The following SAFB variants were observed in gnomAD, a reference collection of about 807,000 sequenced individuals.
SAFB encodes scaffold attachment factor B, also known as scaffold attachment factor B1.
SAFB carries 15 observed loss-of-function variants against 101.6 expected under a neutral mutation model. The observed-to-expected ratio is 0.15, with a 90% confidence interval of 0.10 to 0.23. SAFB has a LOEUF of 0.23. SAFB is among the 10% of genes least tolerant of loss of function. SAFB has a pLI of 1.00. For synonymous variants in SAFB, 449 were observed against 407.5 expected (o/e 1.10, Z -1.23); for missense variants, 930 against 1,104.1 (o/e 0.84, Z 2.23).
Position 5,664,140 on chromosome 19 carries a change from C to G in SAFB, c.2272C>G (p.Pro758Ala). Residue 758 changes from proline to alanine, a missense_variant, in exon 16 of 21, where the codon CCC (proline) becomes GCC (alanine). Physicochemically the swap from Pro to Ala is conservative, Grantham distance 27. Transcript: ENST00000588852. ...DFDHRDRGRY[P>A]DHSVDRREGS... Reference sequence around the variant, plus strand: ...TGACCACAGGGACCGCGGCCGCTACCCCGACCACTCGGTGGACAGGTCAGT... The same window carrying G: ...TGACCACAGGGACCGCGGCCGCTACGCCGACCACTCGGTGGACAGGTCAGT... 6.2e-7 allele frequency: 1 copy of G among 1,613,876 alleles called. No individual in the cohort carries two copies. The highest frequency in any genetic ancestry group is 8.5e-7 in the Non-Finnish European group (1 of 1,180,014).
chr19:5,623,488 G>T (rs532182085), intron 1 of SAFB, 94 bp downstream of exon 1: 2 of 1,101,090 alleles, frequency 1.8e-6, no homozygotes, highest in Non-Finnish European at 2.5e-6. Flanking sequence ...GCCCCCGGCC[G>T]CGTTCGCGGC....
intron 2 of SAFB, among the ~76,000 whole-genome samples, chr19:5,628,307 G>T (rs545727363): frequency 1.3e-5 from 2 of 152,256 alleles, no homozygotes; most frequent in African/African-American, 4.8e-5. Flanking sequence ...CTTGGTTCAT[G>T]TAGAGTTTTC....
intron 5 of SAFB, among the ~76,000 whole-genome samples, chr19:5,645,759 G>T (rs1348393337): frequency 6.6e-6 from 1 of 152,214 alleles, no homozygotes; most frequent in African/African-American, 2.4e-5. Flanking sequence ...CAGCAAGAGG[G>T]CATGGCTACC....
In SAFB at chr19:5,641,792, T is replaced by C. The variant is rs2053720212; in HGVS notation, c.392T>C (p.Ile131Thr). Residue 131 changes from isoleucine to threonine, a missense_variant, in exon 4 of 21, where the codon ATC becomes ACC. Physicochemically the swap from Ile to Thr is moderately conservative, Grantham distance 89 (BLOSUM62 -1). This residue lies in a region of SAFB where 119 missense variants were observed against 171.4 expected (regional missense o/e 0.69). Transcript: ENST00000588852. ...ENLQDIDIMD[I>T]SVLDEAEIDN... The stretch of plus-strand genomic sequence containing the variant: ...TTGCAGGACATCGACATCATGGATA[T>C]CAGTGTGTTGGATGAAGCAGAAATT... The C allele has an allele frequency of 6.2e-7, 1 of 1,614,062 alleles. No individual in the cohort carries two copies. The highest frequency in any genetic ancestry group is 8.5e-7 in the Non-Finnish European group (1 of 1,180,020).
chr19:5,667,788 G>A lies in SAFB; in HGVS notation c.2558-32G>A, dbSNP rs372664858. On this transcript the variant is annotated intron_variant, in intron 19 of 20. Transcript: ENST00000588852. This position sits in a 1 kb window ranked among gnomAD's most constrained non-coding sequence, Gnocchi z 4.0. ...CGTGGGTTCCACGCCGTGTGCGCAA[G>A]TTCCCTGTGTGAAAGCACGTCTGTC... 2 of 1,612,898 alleles carry A rather than the reference G, an allele frequency of 1.2e-6. No individual in the cohort carries two copies. Among genetic ancestry groups the A allele is most frequent in the Non-Finnish European group, 1.7e-6 (2 of 1,178,942 alleles).
intron 17 of SAFB, 159 bp from the exon 18 acceptor site, chr19:5,666,887 T>G: frequency 1.4e-6 from 1 of 725,222 alleles, no homozygotes; most frequent in Non-Finnish European, 2.5e-6. Flanking sequence ...GGCCTGCAGA[T>G]TTCAGGAAGG....
intron 2 of SAFB, among the ~76,000 whole-genome samples, chr19:5,640,219 A>C (rs1452041195): frequency 6.6e-6 from 1 of 152,230 alleles, no homozygotes; most frequent in African/African-American, 2.4e-5. Context: ...GTGATCAACA[A>C]CAAAAAGCAA....
intron 2 of SAFB, among the ~76,000 whole-genome samples, chr19:5,635,500 GTAT>G (rs995647434): frequency 3.8e-4 from 58 of 152,228 alleles, no homozygotes; most frequent in African/African-American, 1.4e-3. Context: ...AAAAGGGAAG[GTAT>G]TATAGCTTTA....
chr19:5,638,202 GGA>G (rs2053633211), intron 2 of SAFB, among the ~76,000 whole-genome samples: 1 of 152,178 alleles, frequency 6.6e-6, no homozygotes, highest in Non-Finnish European at 1.5e-5. Context: ...TTGCACAAGG[GGA>G]GTTGGGGAAA....
intron 4 of SAFB, among the ~76,000 whole-genome samples, chr19:5,643,902 T>C (rs1329613179): frequency 1.3e-5 from 2 of 151,522 alleles, no homozygotes; most frequent in Non-Finnish European, 2.9e-5. Flanking sequence ...TGGAGATGGA[T>C]CAATTTCTGT....
In SAFB at chr19:5,624,621, A is replaced by T. The variant is rs1055263948; in HGVS notation, c.189+1227A>T. Among the ~76,000 whole-genome samples, 12 of 151,024 alleles carry T rather than the reference A, an allele frequency of 7.9e-5. No homozygotes were observed. The South Asian group carries it at 2.3e-3, about 29-fold the overall frequency. On this transcript the variant is annotated intron_variant, in intron 1 of 20. Coordinates refer to ENST00000588852, the MANE Select transcript of SAFB (RefSeq NM_001201338.2). Reference sequence around the variant, plus strand: ...AGTGGGGCTGTTGACACATCCCACCATCCTGACTCCGGAACTACGGAGATC... The same window carrying T: ...AGTGGGGCTGTTGACACATCCCACCTTCCTGACTCCGGAACTACGGAGATC...
At chr19:5,632,596 T>A (rs572277422) in intron 2 of SAFB, among the ~76,000 whole-genome samples, 40 of 152,234 alleles carry the variant, frequency 2.6e-4, no homozygotes, top group Middle Eastern at 3.2e-3. Context: ...TCATGTTTCC[T>A]TAGTTTTCTT....
chr19:5,625,520 A>G (rs1599307211), intron 1 of SAFB, among the ~76,000 whole-genome samples: 1 of 152,254 alleles, frequency 6.6e-6, no homozygotes, highest in East Asian at 1.9e-4. Flanking sequence ...CAGATAAAAC[A>G]TAGTACATGA....
chr19:5,623,179 G>C lies in SAFB; in HGVS notation c.-27G>C, dbSNP rs755255712. The C allele has an allele frequency of 3.2e-6, 5 of 1,557,536 alleles. No homozygotes were observed. Among genetic ancestry groups the C allele is most frequent in the South Asian group, 2.3e-5 (2 of 85,280 alleles). ...TAAAACCGGCCCGGTTCTGTGGAAAGTGGGCGGCGGAGCCAGGGTCCCTGG... is the reference window on the plus strand; with the variant it reads ...TAAAACCGGCCCGGTTCTGTGGAAACTGGGCGGCGGAGCCAGGGTCCCTGG... On this transcript the variant is annotated 5_prime_UTR_variant, in exon 1 of 21. Coordinates refer to ENST00000588852, the MANE Select transcript of SAFB (RefSeq NM_001201338.2).
At chr19:5,654,307 G>C (rs1483768284) in intron 12 of SAFB, 61 bp from the exon 13 acceptor site, 4 of 1,589,344 alleles carry the variant, frequency 2.5e-6, no homozygotes, top group Non-Finnish European at 3.5e-6. Context: ...ATGTTGCAGA[G>C]GGTTTTTCTC....
chr19:5,637,133 A>G lies in SAFB; in HGVS notation c.275-4461A>G, dbSNP rs952589529. 2.0e-5 allele frequency among the ~76,000 whole-genome samples: 3 copies of G among 150,864 alleles called. No homozygotes were observed. In the South Asian group the frequency reaches 6.3e-4, roughly 32 times the overall value. ...GCCGAGGCGGGTGGATCACGAGGTC[A>G]GGAGATCGAGACCATCCTGGCTAAC... On this transcript the variant is annotated intron_variant, in intron 2 of 20. Coordinates refer to ENST00000588852, the MANE Select transcript of SAFB (RefSeq NM_001201338.2).
At chr19:5,656,219 CT>C (rs1414860665) in intron 13 of SAFB, among the ~76,000 whole-genome samples, 1 of 152,028 alleles carries the variant, frequency 6.6e-6, no homozygotes, top group African/African-American at 2.4e-5. Flanking sequence ...TCCTGTTCCC[CT>C]ATCACACCTA....
chr19:5,638,804 T>C (rs2184854), intron 2 of SAFB, among the ~76,000 whole-genome samples: 103,556 of 149,806 alleles, frequency 0.69, 36,098 homozygotes, highest in East Asian at 0.89. Flanking sequence ...TCATTGCAAT[T>C]TCCACTTCCC....
Position 5,664,389 on chromosome 19 carries a change from C to A in SAFB, c.2292-8C>A. 1 of 1,612,474 alleles carries A rather than the reference C, an allele frequency of 6.2e-7. No homozygotes were observed. Among genetic ancestry groups the A allele is most frequent in the South Asian group, 1.1e-5 (1 of 91,038 alleles). ...CCCCTTACGGTTTGATTTAAATTGC[C>A]TTTTCAGGAGAGAAGGTTCAAGGTC... On this transcript the variant is annotated splice_region_variant and splice_polypyrimidine_tract_variant and intron_variant, in intron 16 of 20. Transcript: ENST00000588852.
Sources: allele counts gnomAD v4.1 joint callset (sites outside exome capture counted in the v4.1 genomes callset), GRCh38; gene constraint gnomAD v4.1.1; regional missense constraint gnomAD v4.1.1; non-coding constraint Gnocchi (gnomAD v3.1); transcripts MANE v1.5; gene names NCBI Gene and HGNC (gene_info 2026-07-23, HGNC 2026-07-21).